The following C10orf90 variants were observed in gnomAD, a reference collection of about 807,000 sequenced individuals.
The protein encoded by C10orf90 is (E2-independent) E3 ubiquitin-conjugating enzyme FATS.
A neutral mutation model predicts 62.5 loss-of-function variants in C10orf90; 56 were observed. That is an observed-to-expected ratio of 0.90 (90% CI 0.72 to 1.12). The LOEUF (loss-of-function observed/expected upper bound fraction) is 1.12. C10orf90 is among the 50% of genes most tolerant of loss of function. The pLI, the probability that C10orf90 is intolerant of heterozygous loss-of-function variation, is 0.00. For synonymous variants in C10orf90, 386 were observed against 340.4 expected (o/e 1.13, Z -1.47); for missense variants, 970 against 880.4 (o/e 1.10, Z -1.29).
chr10:126,585,985 T>C (rs1844862420), intron 2 of C10orf90, among the ~76,000 whole-genome samples: 1 of 152,198 alleles, frequency 6.6e-6, no homozygotes, highest in African/African-American at 2.4e-5. Context: ...CAGGGAATCA[T>C]TGAAGATTAC....
chr10:126,488,568 C>G (rs1454411845), intron 4 of C10orf90, among the ~76,000 whole-genome samples: 2 of 149,208 alleles, frequency 1.3e-5, no homozygotes, highest in Non-Finnish European at 3.0e-5. Context: ...TAAAATAAAA[C>G]CTGGATATTT....
chr10:126,524,660 C>T (rs1863879930), intron 2 of C10orf90: 1 of 985,956 alleles, frequency 1.0e-6, no homozygotes, highest in Admixed American at 6.1e-5. Flanking sequence ...CTCCAGATCC[C>T]ACCTGGCCAC....
At chr10:126,578,343 A>G (rs1317699865) in intron 2 of C10orf90, among the ~76,000 whole-genome samples, 1 of 152,242 alleles carries the variant, frequency 6.6e-6, no homozygotes, top group African/African-American at 2.4e-5. Context: ...ACTTTTCACA[A>G]AAGGAAATAT....
chr10:126,644,579 C>G (rs1354329039), intron 2 of C10orf90, among the ~76,000 whole-genome samples: 1 of 152,226 alleles, frequency 6.6e-6, no homozygotes, highest in Non-Finnish European at 1.5e-5. Flanking sequence ...AGCTCTGTCT[C>G]CCTCCCAACC....
At position 126,504,038 on chromosome 10, in the gene C10orf90, T is replaced by C; in HGVS notation, c.1453A>G (p.Lys485Glu). The C allele has an allele frequency of 6.2e-7, 1 of 1,614,086 alleles. No homozygotes were observed. The highest frequency in any genetic ancestry group is 8.5e-7 in the Non-Finnish European group (1 of 1,180,032). The change falls in exon 4 of 10, where the codon AAG becomes GAG. Residue 485 changes from lysine to glutamate, a missense_variant. Transcript: ENST00000488181. This position sits in a 1 kb window ranked among gnomAD's most constrained non-coding sequence, Gnocchi z 4.1. ...GCGTGACAATGAGTTGTATGGTCCT[T>C]TTCCCCTTTTCTTACAGTGACTTGG... ...ANQVTVRKGE[K>E]DHTTHCHASD... is the part of the protein sequence containing the mutation.
At chr10:126,446,000 CA>C (rs1186239720) in intron 7 of C10orf90, among the ~76,000 whole-genome samples, 1 of 151,152 alleles carries the variant, frequency 6.6e-6, no homozygotes, top group Non-Finnish European at 1.5e-5. Flanking sequence ...TTTGGGGTCT[CA>C]GGGGGAAGAA....
intron 2 of C10orf90, among the ~76,000 whole-genome samples, chr10:126,531,429 G>A (rs2133955595): frequency 1.3e-5 from 2 of 152,288 alleles, no homozygotes; most frequent in South Asian, 4.1e-4. Context: ...GGCCCAAAGG[G>A]TCAACAGTTC....
At chr10:126,573,738 T>G (rs1844555910) in intron 2 of C10orf90, among the ~76,000 whole-genome samples, 1 of 152,204 alleles carries the variant, frequency 6.6e-6, no homozygotes, top group Admixed American at 6.5e-5. Context: ...GAGGGTGCTG[T>G]TGTTTCCCTG....
intron 4 of C10orf90, among the ~76,000 whole-genome samples, chr10:126,494,135 C>T (rs547366616): frequency 2.6e-5 from 4 of 152,294 alleles, no homozygotes; most frequent in African/African-American, 9.6e-5. Flanking sequence ...TAAATACGAC[C>T]CACCTATATG....
At chr10:126,610,074 C>A (rs1210662507) in intron 2 of C10orf90, among the ~76,000 whole-genome samples, 1 of 152,184 alleles carries the variant, frequency 6.6e-6, no homozygotes, top group African/African-American at 2.4e-5. Flanking sequence ...TATCCCTGTG[C>A]CCTTGGACCC....
At chr10:126,608,662 T>C (rs1050107010) in intron 2 of C10orf90, among the ~76,000 whole-genome samples, 5 of 152,226 alleles carry the variant, frequency 3.3e-5, no homozygotes, top group African/African-American at 1.2e-4. Flanking sequence ...CAATGGATTA[T>C]ATGCAGAAGC....
intron 1 of C10orf90, among the ~76,000 whole-genome samples, chr10:126,652,282 CA>C (rs1377106292): frequency 6.6e-6 from 1 of 152,152 alleles, no homozygotes; most frequent in East Asian, 1.9e-4. Flanking sequence ...GCATGAAAAG[CA>C]TTAGATTTTT....
At chr10:126,563,743 A>G (rs2133990907) in intron 2 of C10orf90, among the ~76,000 whole-genome samples, 1 of 152,314 alleles carries the variant, frequency 6.6e-6, no homozygotes, top group East Asian at 1.9e-4. Flanking sequence ...GCCCACTGTG[A>G]AACTATTTGG....
At chr10:126,641,084 C>T (rs1171866443) in intron 2 of C10orf90, among the ~76,000 whole-genome samples, 1 of 152,124 alleles carries the variant, frequency 6.6e-6, no homozygotes, top group Non-Finnish European at 1.5e-5. Context: ...GGAAAGTAAA[C>T]AGATAAATGT....
At chr10:126,570,036 T>C (rs769942745) in intron 2 of C10orf90, among the ~76,000 whole-genome samples, 4 of 152,222 alleles carry the variant, frequency 2.6e-5, no homozygotes, top group Non-Finnish European at 5.9e-5. Flanking sequence ...CAGCATGCAA[T>C]CTAAAAGAAA....
chr10:126,488,760 G>A (rs1861565594), intron 4 of C10orf90, among the ~76,000 whole-genome samples: 1 of 152,066 alleles, frequency 6.6e-6, no homozygotes, highest in Non-Finnish European at 1.5e-5. Flanking sequence ...CAAATCCCTT[G>A]AAAGACACAG....
intron 1 of C10orf90, among the ~76,000 whole-genome samples, chr10:126,651,846 A>G (rs1262293552): frequency 2.0e-5 from 3 of 152,332 alleles, no homozygotes; most frequent in Middle Eastern, 3.4e-3. Context: ...AAAGATAGAC[A>G]TTATTGGAGT....
chr10:126,648,537 T>C (rs913199120), intron 1 of C10orf90, among the ~76,000 whole-genome samples: 2 of 152,276 alleles, frequency 1.3e-5, no homozygotes, highest in African/African-American at 2.4e-5. Context: ...TATACTTCTA[T>C]ATATCTTTTT....
intron 2 of C10orf90, among the ~76,000 whole-genome samples, chr10:126,623,100 G>T (rs955445893): frequency 6.6e-6 from 1 of 152,108 alleles, no homozygotes; most frequent in South Asian, 2.1e-4. Context: ...AAGAACTGTC[G>T]GATGAGCTCA....
Sources: allele counts gnomAD v4.1 joint callset (sites outside exome capture counted in the v4.1 genomes callset), GRCh38; gene constraint gnomAD v4.1.1; non-coding constraint Gnocchi (gnomAD v3.1); transcripts MANE v1.5; gene names NCBI Gene and HGNC (gene_info 2026-07-23, HGNC 2026-07-21).